The following CNTN4 variants were observed in gnomAD, a reference collection of about 807,000 sequenced individuals.
CNTN4 encodes the protein contactin 4.
In CNTN4, 77 loss-of-function variants were observed where a neutral mutation model predicts 122.5. That is an observed-to-expected ratio of 0.63 (90% CI 0.52 to 0.76). CNTN4 has a LOEUF of 0.76. Among genes scored for constraint, CNTN4 ranks in the 30% least tolerant of loss-of-function variants. The pLI, the probability that CNTN4 is intolerant of heterozygous loss-of-function variation, is 0.00. For missense variants in CNTN4, 1,256 were observed against 1,259.1 expected, an observed-to-expected ratio of 1.00 and a Z score of 0.04; for synonymous variants, 512 against 447.0, an observed-to-expected ratio of 1.15 and a Z score of -1.83.
At chr3:2,132,452 T>G (rs1480667979) in intron 2 of CNTN4, 1 of 152,202 alleles carries the variant, frequency 6.6e-6, no homozygotes, top group Non-Finnish European at 1.5e-5. Context: ...ACAGGTTTGC[T>G]GTGAAGAAGA....
intron 14 of CNTN4, among the ~76,000 whole-genome samples, chr3:3,000,656 C>G (rs1695941878): frequency 6.6e-6 from 1 of 152,122 alleles, no homozygotes; most frequent in African/African-American, 2.4e-5. Context: ...TTTGAGTAGC[C>G]TGTAGGGTCA....
rs532704915 is a variant in CNTN4 at position 2,521,585 on chromosome 3, A to C, written c.-88-49831A>C. On this transcript the variant is annotated intron_variant, in intron 3 of 24. Transcript: ENST00000418658. ...GCAAAGTGCTATTACTATTAAAGAT[A>C]ATAATTTAGAAGTAAATATTATAGC... Among the ~76,000 whole-genome samples the C allele has an allele frequency of 2.0e-5, 3 of 152,228 alleles. No homozygotes were observed. In the East Asian group the frequency reaches 5.8e-4, roughly 29 times the overall value.
At chr3:2,120,922 T>G (rs1447172575) in intron 2 of CNTN4, among the ~76,000 whole-genome samples, 1 of 152,140 alleles carries the variant, frequency 6.6e-6, no homozygotes, top group Non-Finnish European at 1.5e-5. Context: ...TCCTATGAAC[T>G]AGATACTATG....
intron 2 of CNTN4, among the ~76,000 whole-genome samples, chr3:2,199,394 C>T (rs1483870901): frequency 1.3e-5 from 2 of 151,862 alleles, no homozygotes; most frequent in African/African-American, 4.8e-5. Context: ...CTGCAGAGAT[C>T]CCTCCGTACC....
Position 2,591,559 on chromosome 3 carries a change from T to C in CNTN4, c.55+20001T>C, listed in dbSNP as rs2080488855. 3.5e-5 allele frequency among the ~76,000 whole-genome samples: 2 copies of C among 56,902 alleles called. 1 individual carries two copies. The allele number at this position is 56,902 out of a possible 152,430, so 37.3% of individuals were successfully genotyped here. Reference sequence around the variant, plus strand: ...TTTTGTATTTTTAGTAGAGACGGGGTTTCACCGTTTTAGCCAGGATGGTCT... The same window carrying C: ...TTTTGTATTTTTAGTAGAGACGGGGCTTCACCGTTTTAGCCAGGATGGTCT... On this transcript the variant is annotated intron_variant, in intron 4 of 24. Coordinates refer to ENST00000418658, the MANE Select transcript of CNTN4 (RefSeq NM_175607.3).
chr3:2,739,869 G>A (rs1401190032), intron 5 of CNTN4, among the ~76,000 whole-genome samples: 1 of 152,136 alleles, frequency 6.6e-6, no homozygotes, highest in South Asian at 2.1e-4. Flanking sequence ...ACAAGGTCTG[G>A]ACAGAGTTTT....
chr3:2,783,504 G>C (rs1024143127), intron 6 of CNTN4, among the ~76,000 whole-genome samples: 10 of 152,288 alleles, frequency 6.6e-5, no homozygotes, highest in African/African-American at 1.7e-4. Context: ...AAGGAATAAG[G>C]GGGTGAAGTA....
intron 2 of CNTN4, among the ~76,000 whole-genome samples, chr3:2,120,087 A>C (rs1182197651): frequency 1.3e-5 from 2 of 151,912 alleles, no homozygotes; most frequent in Admixed American, 1.3e-4. Context: ...GCAGTAGGTA[A>C]GTAAGAGCTT....
At chr3:2,342,656 C>G (rs190586917) in intron 3 of CNTN4, among the ~76,000 whole-genome samples, 1 of 152,052 alleles carries the variant, frequency 6.6e-6, no homozygotes, top group South Asian at 2.1e-4. Context: ...GGGTCTTTCC[C>G]CTCACTTCAC....
intron 4 of CNTN4, among the ~76,000 whole-genome samples, chr3:2,638,308 A>C (rs1296331411): frequency 6.6e-6 from 1 of 152,080 alleles, no homozygotes; most frequent in African/African-American, 2.4e-5. Context: ...TCCTGGTTTC[A>C]TGTGATTCAG....
chr3:2,465,756 C>T (rs576665980), intron 3 of CNTN4, among the ~76,000 whole-genome samples: 20 of 152,238 alleles, frequency 1.3e-4, no homozygotes, highest in African/African-American at 4.8e-4. Context: ...TGAAACCTCT[C>T]TGTGTTTTCT....
At chr3:2,402,882 A>G (rs577225751) in intron 3 of CNTN4, among the ~76,000 whole-genome samples, 12 of 152,266 alleles carry the variant, frequency 7.9e-5, no homozygotes, top group Non-Finnish European at 1.3e-4. Context: ...TGTGATTGCA[A>G]TAGTTCCTTG....
intron 8 of CNTN4, among the ~76,000 whole-genome samples, chr3:2,876,867 ATG>A (rs2093850631): frequency 5.3e-5 from 8 of 152,176 alleles, no homozygotes; most frequent in Admixed American, 5.2e-4. Flanking sequence ...CCCTTAAGAT[ATG>A]TTTATTAATG....
chr3:2,437,350 A>G (rs1027814863), intron 3 of CNTN4, among the ~76,000 whole-genome samples: 2 of 152,300 alleles, frequency 1.3e-5, no homozygotes, highest in South Asian at 2.1e-4. Context: ...TAATAAAATA[A>G]TATCTATTAA....
chr3:2,898,539 C>T (rs1396620479), intron 10 of CNTN4, among the ~76,000 whole-genome samples: 3 of 152,188 alleles, frequency 2.0e-5, no homozygotes, highest in African/African-American at 7.2e-5. Flanking sequence ...CCTTCTCTGC[C>T]TCACCTGCTT....
chr3:2,398,632 A>C (rs1385237873), intron 3 of CNTN4, among the ~76,000 whole-genome samples: 1 of 152,168 alleles, frequency 6.6e-6, no homozygotes, highest in Non-Finnish European at 1.5e-5. Flanking sequence ...GACCTGAATT[A>C]ACAGTGCATC....
At chr3:2,692,486 T>C (rs1460622896) in intron 4 of CNTN4, among the ~76,000 whole-genome samples, 1 of 152,178 alleles carries the variant, frequency 6.6e-6, no homozygotes, top group Non-Finnish European at 1.5e-5. Flanking sequence ...CGTGGGATCT[T>C]TTCTATTTTT....
chr3:2,368,029 CTTTTTTTTTTTT>C (rs549023861), intron 3 of CNTN4, among the ~76,000 whole-genome samples: 1 of 109,800 alleles, frequency 9.1e-6, no homozygotes, highest in African/African-American at 3.8e-5. Context: ...TAGAAAACTT[CTTTTTTTTTTTT>C]TTTTTTTTTG....
intron 13 of CNTN4, among the ~76,000 whole-genome samples, chr3:2,979,013 G>A (rs1399795888): frequency 1.3e-5 from 2 of 152,184 alleles, no homozygotes; most frequent in Non-Finnish European, 2.9e-5. Context: ...CTTCACTTTT[G>A]GAACAGAAAA....
Sources: allele counts gnomAD v4.1 joint callset (sites outside exome capture counted in the v4.1 genomes callset), GRCh38; gene constraint gnomAD v4.1.1; transcripts MANE v1.5; gene names NCBI Gene and HGNC (gene_info 2026-07-23, HGNC 2026-07-21).